COL9A1: variants seen among roughly 807,000 people sequenced by gnomAD.
The protein encoded by COL9A1 is collagen type IX alpha 1 chain, also known as collagen alpha-1(IX) chain.
A neutral mutation model predicts 142.6 loss-of-function variants in COL9A1; 104 were observed. The ratio of observed to expected loss-of-function variants is 0.73; its 90% CI spans 0.62 to 0.86. The LOEUF is 0.86. Ranked by LOEUF, COL9A1 falls within the 40% of genes least tolerant of loss-of-function variation. COL9A1 has a pLI of 0.00. For synonymous variants in COL9A1, 466 were observed against 396.0 expected (o/e 1.18, Z -2.10); for missense variants, 1,210 against 1,176.6 (o/e 1.03, Z -0.42).
At chr6:70,269,482 T>C (rs1051068765) in intron 16 of COL9A1, 151 bp downstream of exon 16, 6 of 628,294 alleles carry the variant, frequency 9.5e-6, no homozygotes, top group Non-Finnish European at 1.7e-5. Flanking sequence ...AAGCCACTAG[T>C]CCACTAGCGT....
Position 70,254,424 on chromosome 6 carries a change from T to A in COL9A1, c.1719+52A>T, listed in dbSNP as rs1771136776. 8 of 1,541,932 alleles carry A rather than the reference T, an allele frequency of 5.2e-6. No individual in the cohort carries two copies. In the Admixed American group the frequency reaches 6.7e-5, roughly 13 times the overall value. ...AGCATGTCTCTCCCCAAAATGTATA[T>A]CTTTAAAACATGTATATAAACCAAT... is the stretch of plus-strand genomic sequence containing the variant. On this transcript the variant is annotated intron_variant, in intron 25 of 37. Transcript: ENST00000357250.
chr6:70,227,515 C>A (rs1562288104), intron 36 of COL9A1, among the ~76,000 whole-genome samples: 1 of 147,506 alleles, frequency 6.8e-6, no homozygotes, highest in Non-Finnish European at 1.5e-5. Flanking sequence ...ACTAGCAAGT[C>A]TGTGGAATAT....
chr6:70,248,704 C>T (rs896279016), intron 28 of COL9A1, among the ~76,000 whole-genome samples: 2 of 152,096 alleles, frequency 1.3e-5, no homozygotes, highest in African/African-American at 4.8e-5. Flanking sequence ...AGCAGCATGG[C>T]AGGATTTATT....
intron 36 of COL9A1, among the ~76,000 whole-genome samples, chr6:70,226,219 A>T (rs1265638530): frequency 1.3e-5 from 2 of 152,220 alleles, no homozygotes; most frequent in Non-Finnish European, 2.9e-5. Context: ...ATTCATAGAT[A>T]CTGGAATGAC....
In COL9A1 at chr6:70,294,356, A is replaced by G; in HGVS notation, c.507T>C (p.Phe169=). The G allele has an allele frequency of 6.2e-7, 1 of 1,614,078 alleles. No homozygotes were observed. Among genetic ancestry groups the G allele is most frequent in the Non-Finnish European group, 8.5e-7 (1 of 1,179,964 alleles). Residue 169 remains phenylalanine (F), a synonymous_variant, in exon 5 of 38, where the codon TTT becomes TTC. Coordinates refer to ENST00000357250, the MANE Select transcript of COL9A1 (RefSeq NM_001851.6). ...GLDGSLQTAA[F]SNLSSLFDSQ... ...AATCAAACAAGGAGGACAAATTCGA[A>G]AAGGCTGCTGTTTGGAGACTTCCAT...
intron 28 of COL9A1, among the ~76,000 whole-genome samples, chr6:70,251,176 A>G (rs1032754160): frequency 6.6e-6 from 1 of 152,248 alleles, no homozygotes; most frequent in Non-Finnish European, 1.5e-5. Context: ...AAAGAAATGA[A>G]GTACTGATAC....
At chr6:70,283,252 G>A in intron 6 of COL9A1, 1 of 1,443,440 alleles carries the variant, frequency 6.9e-7, no homozygotes, top group East Asian at 2.5e-5. Context: ...TCCTGGGATT[G>A]GAGGAGAGCT....
At chr6:70,259,491 G>A (rs1430656616) in intron 20 of COL9A1, among the ~76,000 whole-genome samples, 1 of 151,712 alleles carries the variant, frequency 6.6e-6, no homozygotes, top group Non-Finnish European at 1.5e-5. Context: ...CTACACACAC[G>A]CCAAGGAAAA....
In COL9A1 at chr6:70,248,977, C is replaced by T. The variant is rs1770763327; in HGVS notation, c.1872+3143G>A. Among the ~76,000 whole-genome samples the T allele has an allele frequency of 3.3e-5, 5 of 151,844 alleles. No individual in the cohort carries two copies. The South Asian group carries it at 1.0e-3, about 32-fold the overall frequency. On this transcript the variant is annotated intron_variant, in intron 28 of 37. Coordinates refer to ENST00000357250, the MANE Select transcript of COL9A1 (RefSeq NM_001851.6). ...CTGAGATGGCTTATGGAATGTTGAG[C>T]CAGAGAAATGAAGGAAAAAGCCATT...
chr6:70,243,820 GC>G (rs1770425526), intron 28 of COL9A1, among the ~76,000 whole-genome samples: 1 of 152,128 alleles, frequency 6.6e-6, no homozygotes, highest in Admixed American at 6.5e-5. Context: ...GAGCCACTGC[GC>G]CCGGCTAGCT....
At chr6:70,273,972 T>TAAATAAAAAAAA (rs763708723) in intron 12 of COL9A1, 75 bp downstream of exon 12, 1 of 699,142 alleles carries the variant, frequency 1.4e-6, no homozygotes, top group African/African-American at 2.1e-5. Flanking sequence ...AATAAATAAA[T>TAAATAAAAAAAA]AAAAAGATTT....
Position 70,255,210 on chromosome 6 carries a change from G to A in COL9A1, c.1558-7C>T, listed in dbSNP as rs530095999. On this transcript the variant is annotated splice_region_variant and splice_polypyrimidine_tract_variant and intron_variant, in intron 22 of 37. Coordinates refer to ENST00000357250, the MANE Select transcript of COL9A1 (RefSeq NM_001851.6). Reference sequence around the variant, plus strand: ...CTCTAGCACCTTCAGCCCCCTGCAGGGAGGAAGAGAAAGAATAGACAAGAC... The same window carrying A: ...CTCTAGCACCTTCAGCCCCCTGCAGAGAGGAAGAGAAAGAATAGACAAGAC... 1.1e-5 allele frequency: 18 copies of A among 1,614,134 alleles called. No homozygotes were observed. In the East Asian group the frequency reaches 3.8e-4, roughly 34 times the overall value.
chr6:70,281,140 GT>G, intron 8 of COL9A1, 101 bp from the exon 9 acceptor site: 1 of 1,042,856 alleles, frequency 9.6e-7, no homozygotes, highest in Non-Finnish European at 1.4e-6. Flanking sequence ...GATGGGGATG[GT>G]GTAAGGGTCA....
intron 17 of COL9A1, among the ~76,000 whole-genome samples, chr6:70,268,368 C>A (rs1009756306): frequency 6.6e-6 from 1 of 152,120 alleles, no homozygotes; most frequent in Non-Finnish European, 1.5e-5. Context: ...GTGCATGCCA[C>A]CATGCCTAGC....
chr6:70,254,932 A>T (rs1771179827), intron 24 of COL9A1, 31 bp downstream of exon 24: 1 of 1,606,764 alleles, frequency 6.2e-7, no homozygotes. Flanking sequence ...AGACAGCCCC[A>T]CTCACTCTTG....
rs372289111 is a variant in COL9A1 at position 70,242,656 on chromosome 6, A to C, written c.1926+6T>G. On this transcript the variant is annotated splice_donor_region_variant and intron_variant, in intron 29 of 37. Transcript: ENST00000357250. ...GAAGGCAAATAAACGAAACTTTTCT[A>C]CTTACCAGTTTACCTGGTAGGCCTG... 9 of 1,613,406 alleles carry C rather than the reference A, an allele frequency of 5.6e-6. No homozygotes were observed. The East Asian group carries it at 8.9e-5, about 16-fold the overall frequency.
chr6:70,300,444 TAATAA>T (rs1202437720), intron 2 of COL9A1, 58 bp from the exon 3 acceptor site: 176 of 663,950 alleles, frequency 2.7e-4, no homozygotes, highest in Admixed American at 1.5e-3. Flanking sequence ...AGTATAATAA[TAATAA>T]AATAAAATAA....
At chr6:70,275,791 T>G (rs1583314390) in intron 10 of COL9A1, among the ~76,000 whole-genome samples, 1 of 152,100 alleles carries the variant, frequency 6.6e-6, no homozygotes. Context: ...TATATAAGTA[T>G]CTTATAAACC....
intron 18 of COL9A1, among the ~76,000 whole-genome samples, chr6:70,265,500 C>CTTTTTTTTT (rs57504613): frequency 7.3e-6 from 1 of 136,592 alleles, no homozygotes. Flanking sequence ...TGTGCTTGTA[C>CTTTTTTTTT]TTTTTTTTTT....
Sources: gnomAD v4.1 joint callset for allele counts (sites outside exome capture counted in the v4.1 genomes callset) on GRCh38, gnomAD v4.1.1 for gene constraint, MANE v1.5 for transcripts, NCBI Gene and HGNC (gene_info 2026-07-23, HGNC 2026-07-21) for gene names.